ANTXR1: variants seen among roughly 807,000 people sequenced by gnomAD.
The protein encoded by ANTXR1 is anthrax toxin receptor 1.
Under a neutral mutation model 78.1 loss-of-function variants are expected in ANTXR1, and 19 were observed. The ratio of observed to expected loss-of-function variants is 0.24; its 90% CI spans 0.17 to 0.36. ANTXR1 has a LOEUF of 0.36. Among genes scored for constraint, ANTXR1 ranks in the 10% least tolerant of loss-of-function variants. The pLI is 1.00. For missense variants in ANTXR1, 518 were observed against 718.6 expected (o/e 0.72, Z 3.19); for synonymous variants, 273 against 260.5 (o/e 1.05, Z -0.46).
At chr2:69,014,087 G>GT (rs927506126) in intron 1 of ANTXR1, among the ~76,000 whole-genome samples, 8 of 152,194 alleles carry the variant, frequency 5.3e-5, no homozygotes, top group African/African-American at 1.2e-4. Context: ...TTTTGTTTTT[G>GT]TTTTTTTGTT....
At chr2:69,173,044 T>C (rs970676552) in intron 14 of ANTXR1, among the ~76,000 whole-genome samples, 8 of 152,210 alleles carry the variant, frequency 5.3e-5, no homozygotes, top group African/African-American at 1.2e-4. Context: ...ATGACCATAT[T>C]TGAGTTTTTA....
chr2:69,115,474 T>A (rs1672112312), intron 10 of ANTXR1, among the ~76,000 whole-genome samples: 1 of 152,210 alleles, frequency 6.6e-6, no homozygotes, highest in Non-Finnish European at 1.5e-5. Context: ...CAATAAAATT[T>A]ACAAAAGCCT....
chr2:69,099,881 C>T (rs2104309787), intron 9 of ANTXR1, among the ~76,000 whole-genome samples: 1 of 152,294 alleles, frequency 6.6e-6, no homozygotes, highest in South Asian at 2.1e-4. Context: ...TAAGGCACAA[C>T]CCAGCATTCA....
intron 12 of ANTXR1, among the ~76,000 whole-genome samples, chr2:69,128,527 T>G (rs908369382): frequency 7.2e-5 from 11 of 152,122 alleles, no homozygotes; most frequent in Non-Finnish European, 1.5e-4. Flanking sequence ...GGGTACATGT[T>G]TATCACTAGA....
chr2:69,036,788 G>A (rs1317888972), intron 1 of ANTXR1, among the ~76,000 whole-genome samples: 1 of 152,160 alleles, frequency 6.6e-6, no homozygotes, highest in Non-Finnish European at 1.5e-5. Context: ...CAGTCATGTG[G>A]CATATCTTCT....
chr2:69,064,039 A>G (rs1670321404), intron 3 of ANTXR1, among the ~76,000 whole-genome samples: 1 of 152,168 alleles, frequency 6.6e-6, no homozygotes, highest in African/African-American at 2.4e-5. Flanking sequence ...AGCAAATAGC[A>G]AGATAGCAAG....
At chr2:69,149,992 A>C (rs1573934948) in intron 12 of ANTXR1, among the ~76,000 whole-genome samples, 2 of 151,646 alleles carry the variant, frequency 1.3e-5, no homozygotes, top group Non-Finnish European at 2.9e-5. Context: ...TCCCCCAACT[A>C]CCCCTGGGCT....
At chr2:69,053,836 G>C (rs529391702) in intron 3 of ANTXR1, among the ~76,000 whole-genome samples, 1 of 152,194 alleles carries the variant, frequency 6.6e-6, no homozygotes, top group South Asian at 2.1e-4. Flanking sequence ...TATACTCACT[G>C]GCAACACCAT....
At chr2:69,193,232 G>GA in intron 16 of ANTXR1, 103 bp from the exon 17 acceptor site, 1 of 900,914 alleles carries the variant, frequency 1.1e-6, no homozygotes, top group Non-Finnish European at 1.9e-6. Flanking sequence ...ACAGTGTTGT[G>GA]TTGTTCACAT....
chr2:69,101,752 T>C (rs1054837167), intron 9 of ANTXR1, among the ~76,000 whole-genome samples: 8 of 152,170 alleles, frequency 5.3e-5, no homozygotes, highest in Non-Finnish European at 1.0e-4. Flanking sequence ...AAACATTGCA[T>C]TTTTTCCTCT....
chr2:69,114,060 C>T (rs1315041360), intron 10 of ANTXR1, among the ~76,000 whole-genome samples: 1 of 152,110 alleles, frequency 6.6e-6, no homozygotes, highest in East Asian at 1.9e-4. Flanking sequence ...CTAAAACTAC[C>T]CTATTAACTT....
At chr2:69,158,071 A>G (rs1673575665) in intron 13 of ANTXR1, among the ~76,000 whole-genome samples, 1 of 152,062 alleles carries the variant, frequency 6.6e-6, no homozygotes, top group Admixed American at 6.6e-5. Context: ...TGCTGTGAAA[A>G]TTGCCTGTTT....
chr2:69,048,243 G>A (rs530653847), intron 3 of ANTXR1, among the ~76,000 whole-genome samples: 21 of 152,030 alleles, frequency 1.4e-4, no homozygotes, highest in Non-Finnish European at 2.5e-4. Flanking sequence ...TTAATCAAAT[G>A]CAATTTTGCC....
intron 2 of ANTXR1, among the ~76,000 whole-genome samples, chr2:69,040,341 C>G (rs1007187132): frequency 9.2e-5 from 14 of 152,174 alleles, no homozygotes; most frequent in African/African-American, 2.9e-4. Flanking sequence ...GTTACGAGAC[C>G]AAAAATATTT....
At chr2:69,190,849 T>C (rs754269020) in intron 16 of ANTXR1, among the ~76,000 whole-genome samples, 1 of 152,224 alleles carries the variant, frequency 6.6e-6, no homozygotes, top group Non-Finnish European at 1.5e-5. Flanking sequence ...TTCTGCTGAG[T>C]TAATTAATGT....
chr2:69,214,801 T>C (rs74607137), intron 17 of ANTXR1, among the ~76,000 whole-genome samples: 7,964 of 152,284 alleles, frequency 0.052, 545 homozygotes, highest in African/African-American at 0.15. Flanking sequence ...ACTCTCTTTT[T>C]TCCCCTGGGG....
intron 17 of ANTXR1, among the ~76,000 whole-genome samples, chr2:69,235,003 A>C (rs1558664541): frequency 3.3e-5 from 5 of 149,714 alleles, no homozygotes; most frequent in African/African-American, 1.2e-4. Context: ...AAAAAAAAAA[A>C]AGAATGATGA....
chr2:69,130,609 C>T (rs1672711355), intron 12 of ANTXR1, among the ~76,000 whole-genome samples: 1 of 152,158 alleles, frequency 6.6e-6, no homozygotes, highest in Non-Finnish European at 1.5e-5. Context: ...GAACCTGTCT[C>T]GCATTTTTAT....
In ANTXR1 at chr2:69,034,541, C is replaced by A. The variant is rs150213030; in HGVS notation, c.153-5503C>A. On this transcript the variant is annotated intron_variant, in intron 1 of 17. Coordinates refer to ENST00000303714, the MANE Select transcript of ANTXR1 (RefSeq NM_032208.3). ...CTATAATAGCCTTCAGGGGCTAGAACTGCATTTGAGTTAGGATTTAATGGA... is the reference window on the plus strand; with the variant it reads ...CTATAATAGCCTTCAGGGGCTAGAAATGCATTTGAGTTAGGATTTAATGGA... Among the ~76,000 whole-genome samples the A allele has an allele frequency of 1.9e-3, 291 of 152,270 alleles. 1 individual carries two copies. Among genetic ancestry groups the A allele is most frequent in the African/African-American group, 6.7e-3 (280 of 41,544 alleles).
Sources: allele counts gnomAD v4.1 joint callset (sites outside exome capture counted in the v4.1 genomes callset), GRCh38; gene constraint gnomAD v4.1.1; transcripts MANE v1.5; gene names NCBI Gene and HGNC (gene_info 2026-07-23, HGNC 2026-07-21).